ASTN2: variants seen among roughly 807,000 people sequenced by gnomAD.
ASTN2 encodes astrotactin 2, also known as astrotactin-2.
Under a neutral mutation model 139.8 loss-of-function variants are expected in ASTN2, and 54 were observed. The observed-to-expected ratio is 0.39, with a 90% confidence interval of 0.31 to 0.48. ASTN2 has a LOEUF of 0.48. Ranked by LOEUF, ASTN2 falls within the 20% of genes least tolerant of loss-of-function variation. The pLI, the probability that ASTN2 is intolerant of heterozygous loss-of-function variation, is 0.95. For synonymous variants in ASTN2, 756 were observed against 719.5 expected, an observed-to-expected ratio of 1.05 and a Z score of -0.81; for missense variants, 1,565 against 1,725.1, an observed-to-expected ratio of 0.91 and a Z score of 1.64.
intron 13 of ASTN2, among the ~76,000 whole-genome samples, chr9:116,789,187 G>A (rs1168002211): frequency 7.9e-5 from 12 of 152,218 alleles, no homozygotes; most frequent in East Asian, 3.9e-4. Flanking sequence ...TCACTTCATC[G>A]TCTTTCTTTC....
chr9:117,295,833 C>T (rs117190911), intron 1 of ASTN2, among the ~76,000 whole-genome samples: 1 of 151,746 alleles, frequency 6.6e-6, no homozygotes, highest in Non-Finnish European at 1.5e-5. Flanking sequence ...CAACCAAGAA[C>T]TACTTCCAGA....
Position 116,907,960 on chromosome 9 carries a change from G to A in ASTN2, c.1890-44227C>T, listed in dbSNP as rs1011684169. On this transcript the variant is annotated intron_variant, in intron 10 of 22. Coordinates refer to ENST00000313400, the MANE Select transcript of ASTN2 (RefSeq NM_001365068.1). ...CAACCACACCCAACAGTAAGACTAG[G>A]TCAGCTCTCAAGAATAGCCAGAACT... Among the ~76,000 whole-genome samples, 7 of 152,132 alleles carry A rather than the reference G, an allele frequency of 4.6e-5. No homozygotes were observed. In the South Asian group the frequency reaches 1.4e-3, roughly 32 times the overall value.
chr9:116,641,979 G>C (rs1000511028), intron 17 of ASTN2, among the ~76,000 whole-genome samples: 3 of 151,800 alleles, frequency 2.0e-5, no homozygotes, highest in African/African-American at 7.3e-5. Flanking sequence ...TAGATTATAG[G>C]AAGTACTTGA....
chr9:117,156,109 G>T (rs1244759785), intron 3 of ASTN2, among the ~76,000 whole-genome samples: 1 of 151,964 alleles, frequency 6.6e-6, no homozygotes, highest in East Asian at 1.9e-4. Flanking sequence ...TAAATGAAGG[G>T]CTATAGTACT....
In ASTN2 at chr9:117,242,586, T is replaced by C. The variant is rs73655607; in HGVS notation, c.631-27844A>G. ...CTTATGGCACCCTGGCCAGCACATA[T>C]ACATATGGGTGGCCTTGGAGACATC... is the stretch of plus-strand genomic sequence containing the variant. On this transcript the variant is annotated intron_variant, in intron 2 of 22. Transcript: ENST00000313400. Among the ~76,000 whole-genome samples the C allele has an allele frequency of 4.2e-3, 634 of 152,320 alleles. 3 individuals carry two copies. The highest frequency in any genetic ancestry group is 0.014 in the African/African-American group (588 of 41,572).
At chr9:117,258,094 C>T (rs142490956) in intron 2 of ASTN2, among the ~76,000 whole-genome samples, 15 of 152,256 alleles carry the variant, frequency 9.9e-5, no homozygotes, top group African/African-American at 2.6e-4. Context: ...AAGGAAGGAA[C>T]GATTGTGGCC....
intron 10 of ASTN2, among the ~76,000 whole-genome samples, chr9:116,866,727 G>T (rs551631432): frequency 2.6e-5 from 4 of 151,772 alleles, no homozygotes; most frequent in African/African-American, 9.7e-5. Flanking sequence ...GTGAAACCTC[G>T]TCTCTACTAA....
intron 20 of ASTN2, among the ~76,000 whole-genome samples, chr9:116,444,728 A>G (rs902767569): frequency 1.3e-5 from 2 of 152,128 alleles, no homozygotes; most frequent in East Asian, 1.9e-4. Flanking sequence ...TTCATATTCC[A>G]GTTTTACTGT....
chr9:116,588,133 C>T (rs1318627503), intron 19 of ASTN2, among the ~76,000 whole-genome samples: 1 of 150,046 alleles, frequency 6.7e-6, no homozygotes, highest in Non-Finnish European at 1.5e-5. Context: ...TGAAACATGC[C>T]AAAAATATCT....
intron 7 of ASTN2, among the ~76,000 whole-genome samples, chr9:116,993,716 T>C (rs1588465452): frequency 6.8e-6 from 1 of 148,032 alleles, no homozygotes; most frequent in East Asian, 2.0e-4. Flanking sequence ...TCATATATTA[T>C]ATATAGTACA....
intron 17 of ASTN2, among the ~76,000 whole-genome samples, chr9:116,650,209 C>G (rs1262843571): frequency 6.6e-6 from 1 of 152,170 alleles, no homozygotes; most frequent in Non-Finnish European, 1.5e-5. Context: ...GATGCTTTAT[C>G]TCCCTTCCTC....
At position 117,414,979 on chromosome 9, in the gene ASTN2, G is replaced by T; in HGVS notation, c.-41C>A. ...GGTGCTGCGGGCGGCGGCGGCGGTG[G>T]CGGCGGTGGCGAAGGAGGAAGAGGA... On this transcript the variant is annotated 5_prime_UTR_variant, in exon 1 of 23. Coordinates refer to ENST00000313400, the MANE Select transcript of ASTN2 (RefSeq NM_001365068.1). The surrounding 1 kb of genome is among the most constrained non-coding windows in gnomAD (Gnocchi z 4.2). The T allele has an allele frequency of 4.6e-6, 1 of 217,660 alleles. No individual in the cohort carries two copies. Among genetic ancestry groups the T allele is most frequent in the Non-Finnish European group, 8.4e-6 (1 of 119,704 alleles). 13.5% of individuals were successfully genotyped at this position (217,660 alleles called of 1,614,324 possible). A position where few individuals can be genotyped will look rare whatever the true frequency, so the allele number is the denominator to read the frequency against.
At chr9:117,249,781 A>T (rs942482402) in intron 2 of ASTN2, among the ~76,000 whole-genome samples, 9 of 151,932 alleles carry the variant, frequency 5.9e-5, no homozygotes, top group Admixed American at 5.2e-4. Context: ...AAGTCAACAG[A>T]GTTGGAGCCA....
intron 5 of ASTN2, among the ~76,000 whole-genome samples, chr9:117,057,925 A>G (rs1839109617): frequency 6.6e-6 from 1 of 152,246 alleles, no homozygotes; most frequent in African/African-American, 2.4e-5. Context: ...CTCCATGTCT[A>G]GTGTGGAAGA....
At chr9:117,361,898 C>T (rs1250785524) in intron 1 of ASTN2, among the ~76,000 whole-genome samples, 1 of 152,230 alleles carries the variant, frequency 6.6e-6, no homozygotes, top group East Asian at 1.9e-4. Context: ...ATAACATGTA[C>T]ACAGTGAATG....
chr9:116,591,852 T>C (rs1854391566), intron 19 of ASTN2, among the ~76,000 whole-genome samples: 2 of 152,212 alleles, frequency 1.3e-5, no homozygotes, highest in Non-Finnish European at 2.9e-5. Flanking sequence ...TACATCCATA[T>C]ATGTACTTAT....
intron 19 of ASTN2, among the ~76,000 whole-genome samples, chr9:116,590,942 A>G (rs1390140322): frequency 6.6e-6 from 1 of 152,078 alleles, no homozygotes. Context: ...TACCCACTTC[A>G]AGTCTCCTGA....
At position 116,784,495 on chromosome 9, in the gene ASTN2, CA is replaced by C. The variant is rs369033712; in HGVS notation, c.2396+21136del. Among the ~76,000 whole-genome samples the C allele has an allele frequency of 1.1e-4, 16 of 152,326 alleles. 1 individual carries two copies. In the South Asian group the frequency reaches 3.3e-3, roughly 32 times the overall value. ...GTCATGTGGTGCTCCATCACACACG[CA>C]ATGTCCTGTGTTGTTAGTTAACTTT... On this transcript the variant is annotated intron_variant, in intron 13 of 22. Transcript: ENST00000313400.
At chr9:117,408,153 T>G (rs1313387581) in intron 1 of ASTN2, among the ~76,000 whole-genome samples, 1 of 151,898 alleles carries the variant, frequency 6.6e-6, no homozygotes, top group Non-Finnish European at 1.5e-5. Context: ...GTAGATTTTT[T>G]TTTTTTGGCA....
Sources: allele counts gnomAD v4.1 joint callset (sites outside exome capture counted in the v4.1 genomes callset), GRCh38; gene constraint gnomAD v4.1.1; non-coding constraint Gnocchi (gnomAD v3.1); transcripts MANE v1.5; gene names NCBI Gene and HGNC (gene_info 2026-07-23, HGNC 2026-07-21).